The following HERC4 variants were observed in gnomAD, a reference collection of about 807,000 sequenced individuals.
HERC4 encodes probable E3 ubiquitin-protein ligase HERC4.
Under a neutral mutation model 124.3 loss-of-function variants are expected in HERC4, and 28 were observed. The observed-to-expected ratio is 0.23, with a 90% CI of 0.17 to 0.31. The LOEUF (loss-of-function observed/expected upper bound fraction) is 0.31, where lower values mean the gene tolerates loss of function less well. Ranked by LOEUF, HERC4 falls within the 10% of genes least tolerant of loss-of-function variation. The pLI is 1.00. For missense variants in HERC4, 713 were observed against 1,229.3 expected (o/e 0.58, Z 6.28); for synonymous variants, 407 against 421.5 (o/e 0.97, Z 0.42).
chr10:68,044,283 C>G, intron 4 of HERC4, 121 bp downstream of exon 4: 1 of 890,718 alleles, frequency 1.1e-6, no homozygotes, highest in South Asian at 2.1e-5. Flanking sequence ...TATCAAAGGA[C>G]TCAAAGGGGA....
chr10:68,014,301 A>G (rs2038135379), intron 8 of HERC4, 115 bp from the exon 9 acceptor site: 1 of 930,762 alleles, frequency 1.1e-6, no homozygotes, highest in South Asian at 2.1e-5. Flanking sequence ...AATTAATAAA[A>G]CCAATTGTAG....
chr10:68,071,840 G>A (rs997254569), intron 3 of HERC4, among the ~76,000 whole-genome samples: 1 of 152,116 alleles, frequency 6.6e-6, no homozygotes, highest in Admixed American at 6.5e-5. Context: ...AATACACTAA[G>A]ACCTTAACCA....
At chr10:68,004,607 TA>T (rs992121403) in intron 9 of HERC4, among the ~76,000 whole-genome samples, 2 of 152,174 alleles carry the variant, frequency 1.3e-5, no homozygotes, top group Admixed American at 1.3e-4. Flanking sequence ...CATGCTGCTA[TA>T]AAAAATTGCC....
At chr10:68,018,730 C>T (rs942582772) in intron 8 of HERC4, among the ~76,000 whole-genome samples, 1 of 152,044 alleles carries the variant, frequency 6.6e-6, no homozygotes, top group Non-Finnish European at 1.5e-5. Flanking sequence ...AGGAATGGAA[C>T]TACGAAGAGA....
chr10:67,991,405 G>A lies in HERC4; in HGVS notation c.1272-206C>T, dbSNP rs547176934. ...GATGAAGGTATTACTGTTTATTCTA[G>A]ACTTTCTTAAATATTACTTTCATCC... On this transcript the variant is annotated intron_variant, in intron 11 of 24. Coordinates refer to ENST00000373700, the MANE Select transcript of HERC4 (RefSeq NM_015601.4). Among the ~76,000 whole-genome samples the A allele has an allele frequency of 1.6e-4, 24 of 152,166 alleles. 1 individual carries two copies. The East Asian group carries it at 4.6e-3, about 29-fold the overall frequency.
intron 9 of HERC4, 107 bp from the exon 10 acceptor site, chr10:67,992,789 C>A: frequency 1.6e-6 from 1 of 628,488 alleles, no homozygotes; most frequent in Non-Finnish European, 2.8e-6. Context: ...ATAAGGCCTC[C>A]CATTCATGGA....
At chr10:68,057,664 T>A (rs2040617583) in intron 3 of HERC4, among the ~76,000 whole-genome samples, 1 of 150,930 alleles carries the variant, frequency 6.6e-6, no homozygotes. Context: ...TTTACTCAAG[T>A]GCCTATGATC....
At chr10:68,038,699 C>T (rs1048359661) in intron 4 of HERC4, among the ~76,000 whole-genome samples, 12 of 152,282 alleles carry the variant, frequency 7.9e-5, no homozygotes, top group Admixed American at 2.0e-4. Flanking sequence ...TTTTGCTTTA[C>T]GTCTAAATCA....
chr10:68,008,947 G>A (rs1044522308), intron 9 of HERC4, among the ~76,000 whole-genome samples: 24 of 152,114 alleles, frequency 1.6e-4, no homozygotes, highest in Non-Finnish European at 2.5e-4. Context: ...TAGCCTGGGC[G>A]CAGTGGTTCA....
chr10:68,055,846 G>A (rs567085973), intron 3 of HERC4, among the ~76,000 whole-genome samples: 22 of 151,802 alleles, frequency 1.4e-4, no homozygotes, highest in Admixed American at 7.9e-4. Flanking sequence ...CTGCCTCCTG[G>A]GTTCAAGCGA....
Position 67,923,130 on chromosome 10 carries a change from G to A in HERC4, c.2951C>T (p.Thr984Ile). The A allele has an allele frequency of 6.2e-7, 1 of 1,610,866 alleles. No homozygotes were observed. The highest frequency in any genetic ancestry group is 8.5e-7 in the Non-Finnish European group (1 of 1,178,520). ...EKKKQFLLFL[T>I]GSDRIPILGM... ...AAGAATAGGAATGCGATCACTACCT[G>A]TCAAAAATACTGCCAAGAAAGAAAT... The change falls in exon 25 of 25, where the codon ACA (threonine) becomes ATA (isoleucine). Residue 984 changes from threonine to isoleucine, a missense_variant. Physicochemically the swap from Thr to Ile is moderately conservative, Grantham distance 89. Transcript: ENST00000373700.
chr10:68,037,906 G>T (rs1321474352), intron 5 of HERC4, among the ~76,000 whole-genome samples, 187 bp downstream of exon 5: 3 of 152,148 alleles, frequency 2.0e-5, no homozygotes, highest in African/African-American at 4.8e-5. Flanking sequence ...CAGTGTGTGT[G>T]TGTGTTTGTG....
intron 9 of HERC4, chr10:67,993,523 C>CT (rs2036674943): frequency 7.0e-6 from 1 of 142,156 alleles, no homozygotes; most frequent in Admixed American, 7.2e-5. Flanking sequence ...AGACCCATCT[C>CT]TAAAAAAAAA....
intron 23 of HERC4, among the ~76,000 whole-genome samples, chr10:67,927,177 T>A (rs2031079161): frequency 6.6e-6 from 1 of 151,974 alleles, no homozygotes; most frequent in South Asian, 2.1e-4. Context: ...CTGTTTGAAT[T>A]AAAGTCTGTG....
At chr10:68,058,043 T>A (rs2040642790) in intron 3 of HERC4, among the ~76,000 whole-genome samples, 1 of 152,046 alleles carries the variant, frequency 6.6e-6, no homozygotes, top group African/African-American at 2.4e-5. Flanking sequence ...TTAAAATCAA[T>A]GATCAATCTA....
chr10:68,070,179 T>G (rs2041501613), intron 3 of HERC4: 1 of 984,842 alleles, frequency 1.0e-6, no homozygotes, highest in Non-Finnish European at 1.2e-6. Context: ...CAACTTTTTA[T>G]CTTTTAATCC....
chr10:67,930,555 C>T (rs1005403176), intron 23 of HERC4, among the ~76,000 whole-genome samples: 1 of 152,182 alleles, frequency 6.6e-6, no homozygotes, highest in Non-Finnish European at 1.5e-5. Context: ...GTTCCTGATG[C>T]TTTGCACCTA....
intron 9 of HERC4, among the ~76,000 whole-genome samples, chr10:68,003,656 C>G (rs565501299): frequency 1.6e-4 from 25 of 152,224 alleles, no homozygotes; most frequent in African/African-American, 6.0e-4. Context: ...ACATAATGTC[C>G]TCCAGTTCTC....
At chr10:67,936,726 TTTTA>T (rs2032397498) in intron 21 of HERC4, among the ~76,000 whole-genome samples, 1 of 152,198 alleles carries the variant, frequency 6.6e-6, no homozygotes, top group Non-Finnish European at 1.5e-5. Flanking sequence ...TTTTGAAACC[TTTTA>T]TTTCTTTTAC....
Sources: gnomAD v4.1 joint callset for allele counts (sites outside exome capture counted in the v4.1 genomes callset) on GRCh38, gnomAD v4.1.1 for gene constraint, MANE v1.5 for transcripts, NCBI Gene and HGNC (gene_info 2026-07-23, HGNC 2026-07-21) for gene names.